Variants in MACF1 observed in about 807,000 individuals in gnomAD.
MACF1 encodes microtubule actin crosslinking factor 1, also known as microtubule-actin cross-linking factor 1.
In MACF1, 193 loss-of-function variants were observed where a neutral mutation model predicts 854.8. That is an observed-to-expected ratio of 0.23 (90% CI 0.20 to 0.25). MACF1 has a LOEUF of 0.25. MACF1 is among the 10% of genes least tolerant of loss of function. The pLI is 1.00. For missense variants in MACF1, 7,722 were observed against 8,929.1 expected (o/e 0.86, Z 5.45); for synonymous variants, 3,185 against 3,226.7 (o/e 0.99, Z 0.44).
At chr1:39,358,194 A>T (rs613851) in intron 45 of MACF1, among the ~76,000 whole-genome samples, 6,075 of 152,264 alleles carry the variant, frequency 0.04, 327 homozygotes, top group African/African-American at 0.12. Context: ...TTGGACTCCC[A>T]AGAGACATAG....
chr1:39,233,495 C>A (rs1210364772), intron 2 of MACF1, among the ~76,000 whole-genome samples: 1 of 152,182 alleles, frequency 6.6e-6, no homozygotes, highest in East Asian at 1.9e-4. Context: ...ATTCTGGATG[C>A]ACAAACACAG....
At chr1:39,206,315 TAGAA>T (rs1454228698) in intron 1 of MACF1, among the ~76,000 whole-genome samples, 1 of 152,206 alleles carries the variant, frequency 6.6e-6, no homozygotes, top group African/African-American at 2.4e-5. Flanking sequence ...TATTTGAACT[TAGAA>T]AGAAAGAGAT....
At chr1:39,449,916 G>A (rs1644303966) in intron 84 of MACF1, among the ~76,000 whole-genome samples, 1 of 152,008 alleles carries the variant, frequency 6.6e-6, no homozygotes, top group Admixed American at 6.6e-5. Flanking sequence ...CTGGAGTGCA[G>A]TGGCACTGTC....
chr1:39,337,497 G>A (rs569542583), intron 38 of MACF1, among the ~76,000 whole-genome samples, 166 bp downstream of exon 38: 3 of 151,562 alleles, frequency 2.0e-5, no homozygotes, highest in East Asian at 1.9e-4. Flanking sequence ...TGGATAGACC[G>A]GATAAAATTT....
intron 93 of MACF1, 23 bp from the exon 94 acceptor site, chr1:39,463,589 T>G (rs964812858): frequency 1.3e-6 from 2 of 1,590,586 alleles, no homozygotes; most frequent in Admixed American, 3.3e-5. Context: ...CTTTACACTT[T>G]CCTTTTTGTT....
intron 2 of MACF1, among the ~76,000 whole-genome samples, chr1:39,099,321 A>G (rs932337128): frequency 1.3e-5 from 2 of 152,046 alleles, no homozygotes; most frequent in African/African-American, 4.8e-5. Context: ...ACGCCCGGCT[A>G]ATTTTTTGTA....
At chr1:39,090,515 C>T (rs973387165) in intron 2 of MACF1, among the ~76,000 whole-genome samples, 1 of 152,188 alleles carries the variant, frequency 6.6e-6, no homozygotes, top group African/African-American at 2.4e-5. Flanking sequence ...GGTGCAGGGC[C>T]CCTGTGGGAC....
chr1:39,372,800 G>T (rs1649360966), intron 52 of MACF1: 3 of 477,094 alleles, frequency 6.3e-6, no homozygotes, highest in Middle Eastern at 4.9e-4. Flanking sequence ...TCCTTCCCAT[G>T]ATGGAAAAAG....
Position 39,388,037 on chromosome 1 carries a change from G to A in MACF1, c.15195G>A (p.Gln5065=), listed in dbSNP as rs1280103138. Residue 5065 remains glutamine, a synonymous_variant, in exon 58 of 101, where the codon CAG becomes CAA. Transcript: ENST00000564288. ...QQEVLQALEP[Q]VDYLRNFTQG... ...AAGTGCTGCAGGCCCTAGAGCCTCAGGTAGACTATCTGAGGAACTTTACTC... is the reference window on the plus strand; with the variant it reads ...AAGTGCTGCAGGCCCTAGAGCCTCAAGTAGACTATCTGAGGAACTTTACTC... The A allele has an allele frequency of 6.8e-6, 11 of 1,614,040 alleles. No individual in the cohort carries two copies. Among genetic ancestry groups the A allele is most frequent in the South Asian group, 1.1e-5 (1 of 91,084 alleles).
At chr1:39,319,084 C>T (rs1344501420) in intron 30 of MACF1, among the ~76,000 whole-genome samples, 1 of 151,624 alleles carries the variant, frequency 6.6e-6, no homozygotes, top group Non-Finnish European at 1.5e-5. Context: ...GCCTGGATTC[C>T]AATTCTGGCT....
rs568949623 is a variant in MACF1 at position 39,298,605 on chromosome 1, T to C, written c.2481+860T>C. On this transcript the variant is annotated intron_variant, in intron 21 of 100. Coordinates refer to ENST00000564288, the MANE Select transcript of MACF1 (RefSeq NM_001394062.1). ...CAAAACAGTTCATTTTTTTTGTCGG[T>C]AAAATTTGAGCATTTGTGAATTTAA... 2.1e-4 allele frequency: 90 copies of C among 426,140 alleles called. 1 individual carries two copies. In the East Asian group the frequency reaches 6.3e-3, roughly 30 times the overall value. The allele number at this position is 426,140 out of a possible 1,614,324, so 26.4% of individuals were successfully genotyped here.
chr1:39,254,246 A>C (rs770922502), intron 4 of MACF1, 52 bp from the exon 5 acceptor site: 161 of 1,431,536 alleles, frequency 1.1e-4, no homozygotes, highest in Non-Finnish European at 1.5e-4. Context: ...AAGGGTCTGT[A>C]TGGTTAAATT....
intron 58 of MACF1, among the ~76,000 whole-genome samples, chr1:39,406,756 A>AAAAAAAAAATAAAAAAAAAAAAAAAC (rs746955922): frequency 8.6e-6 from 1 of 116,058 alleles, no homozygotes; most frequent in African/African-American, 3.8e-5. Context: ...AAAAAAAAAA[A>AAAAAAAAAATAAAAAAAAAAAAAAAC]AACATTCTTT....
rs1047590059 is a variant in MACF1 at position 39,334,915 on chromosome 1, A to G, written c.8327A>G (p.Gln2776Arg). 1.2e-6 allele frequency: 2 copies of G among 1,614,224 alleles called. No individual in the cohort carries two copies. The highest frequency in any genetic ancestry group is 2.7e-5 in the African/African-American group (2 of 75,074). Residue 2776 changes from glutamine (Q) to arginine (R), a missense_variant, in exon 37 of 101, where the codon CAA (glutamine) becomes CGA (arginine). Physicochemically the swap from Gln to Arg is conservative, Grantham distance 43. Transcript: ENST00000564288. ...FSDHRAQIEK[Q>R]EGIEVCALQN... The stretch of plus-strand genomic sequence containing the variant: ...GATCACAGGGCTCAGATTGAAAAGC[A>G]AGAAGGGATTGAAGTGTGTGCATTA...
chr1:39,429,074 T>C (rs1463062197), intron 63 of MACF1, among the ~76,000 whole-genome samples, 168 bp from the exon 64 acceptor site: 1 of 152,196 alleles, frequency 6.6e-6, no homozygotes, highest in Non-Finnish European at 1.5e-5. Flanking sequence ...TTAATTATTT[T>C]GAATAGTCAA....
chr1:39,408,855 C>T (rs889801792), intron 58 of MACF1, among the ~76,000 whole-genome samples: 32 of 151,982 alleles, frequency 2.1e-4, no homozygotes, highest in African/African-American at 6.3e-4. Flanking sequence ...CCGCAGAAGC[C>T]CCTCCTTCGG....
Position 39,439,363 on chromosome 1 carries a change from C to T in MACF1, c.18310C>T (p.Leu6104Phe), listed in dbSNP as rs1271350869. 5.6e-6 allele frequency: 9 copies of T among 1,613,828 alleles called. No individual in the cohort carries two copies. In the Admixed American group the frequency reaches 1.2e-4, roughly 21 times the overall value. ...EEREIKFLDV[L>F]ELAEKFWYDM... is the part of the protein sequence containing the mutation. ...ACGAGAAATCAAATTTCTTGATGTC[C>T]TTGAATTAGCAGAGAAGTTCTGGTA... The change falls in exon 72 of 101, where the codon CTT becomes TTT. Residue 6104 changes from leucine (L) to phenylalanine (F), a missense_variant. Coordinates refer to ENST00000564288, the MANE Select transcript of MACF1 (RefSeq NM_001394062.1).
chr1:39,457,107 C>T (rs1229324438), intron 89 of MACF1: 1 of 152,268 alleles, frequency 6.6e-6, no homozygotes, highest in Non-Finnish European at 1.5e-5. Context: ...TAGCTATTAC[C>T]TATAAAGCTT....
At position 39,251,889 on chromosome 1, in the gene MACF1, C is replaced by A; in HGVS notation, c.305C>A (p.Ser102Tyr). 2 of 1,518,692 alleles carry A rather than the reference C, an allele frequency of 1.3e-6. No homozygotes were observed. Among genetic ancestry groups the A allele is most frequent in the Non-Finnish European group, 1.8e-6 (2 of 1,138,582 alleles). 94.1% of individuals were successfully genotyped at this position (1,518,692 alleles called of 1,614,324 possible). Residue 102 changes from serine to tyrosine, a missense_variant, in exon 4 of 101, where the codon TCC becomes TAC. Ser to Tyr is a moderately radical substitution (Grantham distance 144). This residue lies in a region of MACF1 where 82 missense variants were observed against 84.0 expected (regional missense o/e 0.98). Transcript: ENST00000564288. ...LKTLRLVSMP[S>Y]WCHTNNEEQA... The stretch of plus-strand genomic sequence containing the variant: ...ACCCTCCGTCTGGTGAGCATGCCCT[C>A]CTGGTGCCATACAAACAACGAGGAG...
Sources: allele counts gnomAD v4.1 joint callset (sites outside exome capture counted in the v4.1 genomes callset), GRCh38; gene constraint gnomAD v4.1.1; regional missense constraint gnomAD v4.1.1; transcripts MANE v1.5; gene names NCBI Gene and HGNC (gene_info 2026-07-23, HGNC 2026-07-21).